Variants in CELF2 observed in about 807,000 individuals in gnomAD.
CELF2 encodes CUG triplet repeat RNA-binding protein 2.
Under a neutral mutation model 62.6 loss-of-function variants are expected in CELF2, and 8 were observed. The ratio of observed to expected loss-of-function variants is 0.13; its 90% CI spans 0.07 to 0.23. The LOEUF is 0.23. CELF2 is among the 10% of genes least tolerant of loss of function. The pLI is 1.00. For synonymous variants in CELF2, 258 were observed against 250.0 expected, an observed-to-expected ratio of 1.03 and a Z score of -0.30; for missense variants, 333 against 671.0, an observed-to-expected ratio of 0.50 and a Z score of 5.56.
chr10:11,220,300 G>A lies in CELF2; in HGVS notation c.354+2793G>A, dbSNP rs1208330654. Among the ~76,000 whole-genome samples, 1 of 152,122 alleles carries A rather than the reference G, an allele frequency of 6.6e-6. No homozygotes were observed. Among genetic ancestry groups the A allele is most frequent in the Admixed American group, 6.5e-5 (1 of 15,270 alleles). On this transcript the variant is annotated intron_variant, in intron 3 of 12. Transcript: ENST00000633077. The surrounding 1 kb of genome is among the most constrained non-coding windows in gnomAD (Gnocchi z 4.4). ...TTTCATAAGGAACTTTTATTATGCG[G>A]CCAAGCTTGATTGATGTTTGGAGTT...
At chr10:11,150,397 GAA>G (rs2063108575) in intron 1 of CELF2, among the ~76,000 whole-genome samples, 1 of 152,186 alleles carries the variant, frequency 6.6e-6, no homozygotes, top group Non-Finnish European at 1.5e-5. Flanking sequence ...ACCTTGTTTT[GAA>G]AAGACTTCCT....
At chr10:10,608,691 G>A in the CELF2 span, among the ~76,000 whole-genome samples, 1 of 152,060 alleles carries the variant, frequency 6.6e-6, no homozygotes, top group Non-Finnish European at 1.5e-5. Flanking sequence ...TACATTTCCA[G>A]CTCTCCCAGG....
chr10:11,025,785 T>A (rs910349768), intron 1 of CELF2, among the ~76,000 whole-genome samples: 2 of 152,260 alleles, frequency 1.3e-5, no homozygotes, highest in African/African-American at 4.8e-5. Flanking sequence ...TTTCACATTG[T>A]GACCAAAGAT....
intron 1 of CELF2, among the ~76,000 whole-genome samples, chr10:11,128,041 T>A (rs1021094617): frequency 6.6e-6 from 1 of 152,262 alleles, no homozygotes; most frequent in African/African-American, 2.4e-5. Context: ...TTAATCCATC[T>A]TGAATTAATT....
intron 1 of CELF2, among the ~76,000 whole-genome samples, chr10:10,908,434 A>G (rs1253706324): frequency 1.3e-5 from 2 of 151,412 alleles, no homozygotes; most frequent in Non-Finnish European, 2.9e-5. Flanking sequence ...GTTATCCAGG[A>G]TGGTCTCGAT....
At chr10:11,095,826 G>A (rs751827448) in intron 1 of CELF2, among the ~76,000 whole-genome samples, 59 of 152,002 alleles carry the variant, frequency 3.9e-4, no homozygotes, top group African/African-American at 6.5e-4. Context: ...ACTTAGAATC[G>A]GGAAGAAAGT....
At chr10:11,140,521 GTGTT>G (rs2061168599) in intron 1 of CELF2, among the ~76,000 whole-genome samples, 3 of 151,988 alleles carry the variant, frequency 2.0e-5, no homozygotes, top group Admixed American at 1.3e-4. Context: ...TAGCTCTTCT[GTGTT>G]TGTATTTATG....
intron 1 of CELF2, among the ~76,000 whole-genome samples, chr10:11,069,538 C>T (rs1165334363): frequency 6.6e-6 from 1 of 152,202 alleles, no homozygotes; most frequent in Non-Finnish European, 1.5e-5. Context: ...CAGCAAAAAC[C>T]TGGAGCATTC....
chr10:10,564,315 G>A, the CELF2 span, among the ~76,000 whole-genome samples: 1 of 152,130 alleles, frequency 6.6e-6, no homozygotes, highest in Non-Finnish European at 1.5e-5. Context: ...CAGAAATGGC[G>A]ACACATCAAC....
At chr10:11,102,056 C>T (rs1378875868) in intron 1 of CELF2, 1 of 152,146 alleles carries the variant, frequency 6.6e-6, no homozygotes, top group Non-Finnish European at 1.5e-5. Context: ...CATGGTAGAG[C>T]TCTTGATAAG....
intron 1 of CELF2, among the ~76,000 whole-genome samples, chr10:11,114,590 A>G (rs2056101822): frequency 6.6e-6 from 1 of 152,248 alleles, no homozygotes; most frequent in Non-Finnish European, 1.5e-5. Context: ...ATGCAGTCAA[A>G]TATCTGTTCT....
rs1369159340 is a variant in CELF2, at chr10:11,259,995, G to A, written c.538+2123G>A. 4.6e-5 allele frequency among the ~76,000 whole-genome samples: 7 copies of A among 152,266 alleles called. No individual in the cohort carries two copies. In the East Asian group the frequency reaches 5.8e-4, roughly 13 times the overall value. Reference sequence around the variant, plus strand: ...TTCATTCTCCAAGGTATGGAGAAACGGCACAAGGAGAGCCCTTAAATTACT... The same window carrying A: ...TTCATTCTCCAAGGTATGGAGAAACAGCACAAGGAGAGCCCTTAAATTACT... On this transcript the variant is annotated intron_variant, in intron 5 of 12. Transcript: ENST00000633077.
intron 1 of CELF2, among the ~76,000 whole-genome samples, chr10:11,119,187 A>AT (rs34949534): frequency 2.6e-5 from 4 of 152,104 alleles, no homozygotes; most frequent in South Asian, 2.1e-4. Context: ...CTGAAGGCAC[A>AT]TTTTTTTTCC....
chr10:10,806,753 C>T (rs992583072), intron 1 of CELF2, among the ~76,000 whole-genome samples: 6 of 152,110 alleles, frequency 3.9e-5, no homozygotes, highest in African/African-American at 9.7e-5. Flanking sequence ...AAAGTGAAAA[C>T]GTTAACTTTG....
chr10:10,643,391 C>G, the CELF2 span, among the ~76,000 whole-genome samples: 2 of 152,054 alleles, frequency 1.3e-5, no homozygotes, highest in African/African-American at 2.4e-5. Context: ...GCGCAGTTCC[C>G]CTGCACATGC....
chr10:11,080,720 A>G (rs2073783150), intron 1 of CELF2, among the ~76,000 whole-genome samples: 1 of 152,330 alleles, frequency 6.6e-6, no homozygotes, highest in African/African-American at 2.4e-5. Flanking sequence ...TGGTTAATTT[A>G]AGACTTCTGT....
At chr10:10,935,359 TATTC>T (rs2066513062) in intron 2 of CELF2, 1 of 152,212 alleles carries the variant, frequency 6.6e-6, no homozygotes, top group Non-Finnish European at 1.5e-5. Context: ...ACATTGTAGC[TATTC>T]ATTTTGTCAC....
At chr10:10,755,300 A>G in the CELF2 span, among the ~76,000 whole-genome samples, 2 of 152,190 alleles carry the variant, frequency 1.3e-5, no homozygotes, top group African/African-American at 2.4e-5. Context: ...TTTATCTTCT[A>G]TTGGCTCTTC....
At chr10:10,907,683 A>C (rs1406194649) in intron 1 of CELF2, among the ~76,000 whole-genome samples, 1 of 151,944 alleles carries the variant, frequency 6.6e-6, no homozygotes, top group Non-Finnish European at 1.5e-5. Flanking sequence ...GATTATAGAG[A>C]TGTAATTGTC....
Sources: allele counts gnomAD v4.1 joint callset (sites outside exome capture counted in the v4.1 genomes callset), GRCh38; gene constraint gnomAD v4.1.1; non-coding constraint Gnocchi (gnomAD v3.1); transcripts MANE v1.5; gene names NCBI Gene and HGNC (gene_info 2026-07-23, HGNC 2026-07-21).